The following UBR2 variants were observed in gnomAD, a reference collection of about 807,000 sequenced individuals.
UBR2 encodes E3 ubiquitin-protein ligase UBR2.
UBR2 carries 92 observed loss-of-function variants against 247.9 expected under a neutral mutation model. The observed-to-expected ratio is 0.37, with a 90% CI of 0.31 to 0.44. The LOEUF (loss-of-function observed/expected upper bound fraction) is 0.44, where lower values mean the gene tolerates loss of function less well. UBR2 is among the 20% of genes least tolerant of loss of function. UBR2 has a pLI of 1.00. For synonymous variants in UBR2, 672 were observed against 693.5 expected, an observed-to-expected ratio of 0.97 and a Z score of 0.49; for missense variants, 1,613 against 2,112.6, an observed-to-expected ratio of 0.76 and a Z score of 4.64.
intron 10 of UBR2, 104 bp from the exon 11 acceptor site, chr6:42,617,305 T>C: frequency 6.2e-7 from 1 of 1,614,156 alleles, no homozygotes; most frequent in Non-Finnish European, 8.5e-7. Flanking sequence ...CGGTGACTGC[T>C]CTATCTGTCC....
chr6:42,620,494 G>GTTTTTTTTTTT (rs1282900841), intron 11 of UBR2: 1 of 97,022 alleles, frequency 1.0e-5, no homozygotes, highest in Admixed American at 1.1e-4. Flanking sequence ...TTTTTTTTTT[G>GTTTTTTTTTTT]TTTTTGTTTT....
intron 25 of UBR2, among the ~76,000 whole-genome samples, chr6:42,654,585 C>T (rs1464214728): frequency 2.0e-5 from 3 of 152,030 alleles, no homozygotes; most frequent in African/African-American, 4.8e-5. Flanking sequence ...ATTAGCCAAT[C>T]GTCATGGCAC....
intron 2 of UBR2, among the ~76,000 whole-genome samples, chr6:42,588,469 A>G (rs1329776456): frequency 6.6e-6 from 1 of 152,194 alleles, no homozygotes; most frequent in Non-Finnish European, 1.5e-5. Flanking sequence ...TAGAAGTTTA[A>G]GACTAGCCTG....
In UBR2 at chr6:42,676,170, A is replaced by C. The variant is rs138783967; in HGVS notation, c.4366A>C (p.Ile1456Leu). The C allele has an allele frequency of 1.9e-6, 3 of 1,610,260 alleles. No individual in the cohort carries two copies. The highest frequency in any genetic ancestry group is 1.7e-6 in the Non-Finnish European group (2 of 1,179,190). Reference sequence around the variant, plus strand: ...GGTTACTATGGCACACATCATACAGATCTTACTTACCTCATGTACAGGTAA... The same window carrying C: ...GGTTACTATGGCACACATCATACAGCTCTTACTTACCTCATGTACAGGTAA... ...HLVTMAHIIQ[I>L]LLTSCTEENG... The change falls in exon 39 of 47, where the codon ATC (isoleucine) becomes CTC (leucine). Residue 1456 changes from isoleucine to leucine, a missense_variant. By Grantham distance (5) the Ile-to-Leu change is conservative (BLOSUM62 2). Transcript: ENST00000372901.
intron 44 of UBR2, 108 bp downstream of exon 44, chr6:42,684,979 CTG>C (rs1036758954): frequency 3.1e-5 from 28 of 905,126 alleles, no homozygotes; most frequent in Non-Finnish European, 4.7e-5. Flanking sequence ...GAAATCATAT[CTG>C]TAGTCCTTTA....
chr6:42,605,696 A>G, intron 5 of UBR2, 25 bp from the exon 6 acceptor site: 2 of 1,585,646 alleles, frequency 1.3e-6, no homozygotes, highest in African/African-American at 1.4e-5. Flanking sequence ...AATAGATAAT[A>G]TATCATGAAT....
At position 42,594,281 on chromosome 6, in the gene UBR2, A is replaced by G. The variant is rs755221180; in HGVS notation, c.508A>G (p.Thr170Ala). The change falls in exon 4 of 47, where the codon ACC becomes GCC. Residue 170 changes from threonine (T) to alanine (A), a missense_variant. Thr to Ala is a moderately conservative substitution (Grantham distance 58). Transcript: ENST00000372901. ...GPYCQKHELN[T>A]SEIEEEEDPL... ...TTACTGTCAAAAACATGAACTTAAC[A>G]CCTCTGAAATTGAGGAAGAAGAGGT... The G allele has an allele frequency of 1.9e-6, 3 of 1,610,506 alleles. No homozygotes were observed. The highest frequency in any genetic ancestry group is 2.5e-6 in the Non-Finnish European group (3 of 1,177,644).
At position 42,627,911 on chromosome 6, in the gene UBR2, G is replaced by A. The variant is rs189506677; in HGVS notation, c.1282-4641G>A. Among the ~76,000 whole-genome samples, 349 of 152,296 alleles carry A rather than the reference G, an allele frequency of 2.3e-3. 1 individual carries two copies. Among genetic ancestry groups the A allele is most frequent in the Non-Finnish European group, 3.6e-3 (243 of 68,028 alleles). ...CTGCACCCAGGAATGAATAAGGGCA[G>A]TTTTGGAGATTAAAGGCAAGATGAA... On this transcript the variant is annotated intron_variant, in intron 11 of 46. Transcript: ENST00000372901.
At chr6:42,675,907 A>C (rs1005320430) in intron 38 of UBR2, 149 bp from the exon 39 acceptor site, 13 of 1,013,630 alleles carry the variant, frequency 1.3e-5, no homozygotes, top group Non-Finnish European at 1.8e-5. Flanking sequence ...CAGTGAACCG[A>C]GGTTGCGCCA....
intron 2 of UBR2, among the ~76,000 whole-genome samples, chr6:42,575,943 G>A (rs759273024): frequency 6.6e-6 from 1 of 152,020 alleles, no homozygotes; most frequent in Non-Finnish European, 1.5e-5. Flanking sequence ...TCCTAGATTT[G>A]GTCAATAGGA....
chr6:42,603,950 A>G (rs958949090), intron 5 of UBR2, among the ~76,000 whole-genome samples: 8 of 152,190 alleles, frequency 5.3e-5, no homozygotes, highest in Non-Finnish European at 2.9e-5. Context: ...TCATAGCTCT[A>G]GGACTGGTTT....
At chr6:42,597,362 G>A (rs914352945) in intron 4 of UBR2, among the ~76,000 whole-genome samples, 4 of 152,072 alleles carry the variant, frequency 2.6e-5, no homozygotes, top group African/African-American at 7.2e-5. Context: ...ATGGGAGGTC[G>A]AGGTGGGCAG....
At chr6:42,631,568 A>G (rs1795713780) in intron 11 of UBR2, among the ~76,000 whole-genome samples, 1 of 152,072 alleles carries the variant, frequency 6.6e-6, no homozygotes, top group Non-Finnish European at 1.5e-5. Context: ...TATTTGTTGC[A>G]ACATCTTTTT....
chr6:42,645,164 TG>T (rs1402493512), intron 20 of UBR2, among the ~76,000 whole-genome samples: 12 of 151,960 alleles, frequency 7.9e-5, no homozygotes, highest in African/African-American at 2.7e-4. Context: ...ACAAGGAGAA[TG>T]GGGTAAATGC....
chr6:42,684,202 A>G (rs1365942688), intron 43 of UBR2, among the ~76,000 whole-genome samples: 1 of 152,198 alleles, frequency 6.6e-6, no homozygotes, highest in African/African-American at 2.4e-5. Context: ...GCCACTACCT[A>G]CTGAATCTAA....
Position 42,659,614 on chromosome 6 carries a change from G to A in UBR2, c.3243-42G>A. ...CTGCTATTTTGTGATTATATAGAAA[G>A]TTTTGGGATCATTAATTATATTCAT... On this transcript the variant is annotated intron_variant, in intron 29 of 46. Coordinates refer to ENST00000372901, the MANE Select transcript of UBR2 (RefSeq NM_001363705.2). This position sits in a 1 kb window ranked among gnomAD's most constrained non-coding sequence, Gnocchi z 4.3. 6.4e-7 allele frequency: 1 copy of A among 1,573,178 alleles called. No homozygotes were observed. Among genetic ancestry groups the A allele is most frequent in the South Asian group, 1.1e-5 (1 of 88,002 alleles).
At chr6:42,564,521 C>T (rs1281977204) in intron 1 of UBR2, 124 bp downstream of exon 1, 1 of 1,144,086 alleles carries the variant, frequency 8.7e-7, no homozygotes, top group East Asian at 2.7e-5. Flanking sequence ...TGCCGGCCCT[C>T]GCCTTGTGGG....
intron 36 of UBR2, 97 bp downstream of exon 36, chr6:42,670,812 C>A: frequency 1.2e-6 from 1 of 855,346 alleles, no homozygotes; most frequent in Non-Finnish European, 1.8e-6. Context: ...TTACTTACAC[C>A]TTCACTTCTT....
At position 42,679,820 on chromosome 6, in the gene UBR2, C is replaced by T; in HGVS notation, c.4706C>T (p.Ser1569Leu). The change falls in exon 42 of 47, where the codon TCA becomes TTA. Residue 1569 changes from serine to leucine, a missense_variant. By Grantham distance (145) the Ser-to-Leu change is moderately radical. Transcript: ENST00000372901. ...CAAGAAAATAGTGAGATAATGAATT[C>T]ACTGATTGAAAGGTAATGATTATAT... ...LFQENSEIMN[S>L]LIESWCRNSE... is the part of the protein sequence containing the mutation. The T allele has an allele frequency of 1.2e-6, 2 of 1,606,608 alleles. No individual in the cohort carries two copies. The highest frequency in any genetic ancestry group is 1.7e-6 in the Non-Finnish European group (2 of 1,174,038).
Sources: gnomAD v4.1 joint callset for allele counts (sites outside exome capture counted in the v4.1 genomes callset) on GRCh38, gnomAD v4.1.1 for gene constraint, Gnocchi (gnomAD v3.1) non-coding constraint, MANE v1.5 for transcripts, NCBI Gene and HGNC (gene_info 2026-07-23, HGNC 2026-07-21) for gene names.